DOK5: variants seen among roughly 807,000 people sequenced by gnomAD.
The protein encoded by DOK5 is docking protein 5, also known as downstream of tyrosine kinase 5.
A neutral mutation model predicts 43.3 loss-of-function variants in DOK5; 27 were observed. That is an observed-to-expected ratio of 0.62 (90% confidence interval 0.46 to 0.86). The LOEUF is 0.86. Among genes scored for constraint, DOK5 ranks in the 40% least tolerant of loss-of-function variants. The probability of loss-of-function intolerance (pLI) is 0.00; values close to 1 mark genes in which losing one functional copy is unlikely to be tolerated. For missense variants in DOK5, 373 were observed against 392.9 expected, an observed-to-expected ratio of 0.95 and a Z score of 0.43; for synonymous variants, 146 against 140.1, an observed-to-expected ratio of 1.04 and a Z score of -0.30.
chr20:54,564,073 A>G (rs1161772613), intron 2 of DOK5, among the ~76,000 whole-genome samples: 1 of 152,172 alleles, frequency 6.6e-6, no homozygotes, highest in Non-Finnish European at 1.5e-5. Flanking sequence ...TCAGTTATTT[A>G]TAGTTTATAT....
chr20:54,566,068 G>A (rs1985087475), intron 2 of DOK5, among the ~76,000 whole-genome samples: 2 of 148,112 alleles, frequency 1.4e-5, no homozygotes, highest in South Asian at 4.2e-4. Flanking sequence ...GACTTTTTGT[G>A]TTGCCCTTTC....
chr20:54,536,543 C>A (rs914846572), intron 1 of DOK5, among the ~76,000 whole-genome samples: 2 of 152,130 alleles, frequency 1.3e-5, no homozygotes, highest in Non-Finnish European at 2.9e-5. Context: ...GTTAGCCAGA[C>A]TAACTTTTGC....
intron 1 of DOK5, chr20:54,476,305 G>A (rs763985332): frequency 3.8e-4 from 320 of 839,072 alleles, no homozygotes; most frequent in Non-Finnish European, 4.4e-4. Flanking sequence ...CGGTAGCCAT[G>A]GAAGTTGGAG....
At chr20:54,609,136 C>T (rs1378661743) in intron 5 of DOK5, among the ~76,000 whole-genome samples, 2 of 152,270 alleles carry the variant, frequency 1.3e-5, no homozygotes, top group East Asian at 1.9e-4. Flanking sequence ...ACATCTTCCT[C>T]GTATTATTGC....
intron 1 of DOK5, among the ~76,000 whole-genome samples, chr20:54,516,476 T>C (rs1983201676): frequency 6.6e-6 from 1 of 152,192 alleles, no homozygotes; most frequent in Non-Finnish European, 1.5e-5. Flanking sequence ...ATTTAACCCT[T>C]TGTAAATACT....
rs1467559473 is a variant in DOK5, at chr20:54,493,682, A to T, written c.66+17670A>T. 6.6e-5 allele frequency among the ~76,000 whole-genome samples: 10 copies of T among 152,306 alleles called. No homozygotes were observed. In the South Asian group the frequency reaches 2.1e-3, roughly 32 times the overall value. On this transcript the variant is annotated intron_variant, in intron 1 of 7. Coordinates refer to ENST00000262593, the MANE Select transcript of DOK5 (RefSeq NM_018431.5). ...CTGAATGCGGTGGCTCAGTCCTGTAATCCCAGCACTTTGGGAGGCTGAGGT... is the reference window on the plus strand; with the variant it reads ...CTGAATGCGGTGGCTCAGTCCTGTATTCCCAGCACTTTGGGAGGCTGAGGT...
intron 1 of DOK5, among the ~76,000 whole-genome samples, chr20:54,508,569 T>C (rs1982899610): frequency 2.0e-5 from 3 of 151,730 alleles, no homozygotes; most frequent in Admixed American, 2.0e-4. Flanking sequence ...AATGTTTTAA[T>C]TTTTATATTT....
chr20:54,578,348 G>A (rs13040605), intron 2 of DOK5, among the ~76,000 whole-genome samples: 13,286 of 151,980 alleles, frequency 0.087, 1,032 homozygotes, highest in African/African-American at 0.21. Context: ...AGACACTTCC[G>A]GTCTTCTTTG....
intron 2 of DOK5, among the ~76,000 whole-genome samples, chr20:54,575,811 T>C (rs924183204): frequency 6.6e-6 from 1 of 152,236 alleles, no homozygotes; most frequent in Non-Finnish European, 1.5e-5. Flanking sequence ...AGCAAGTGTG[T>C]GCACGTGTGT....
At chr20:54,519,749 T>C (rs966597586) in intron 1 of DOK5, among the ~76,000 whole-genome samples, 2 of 152,208 alleles carry the variant, frequency 1.3e-5, no homozygotes, top group African/African-American at 4.8e-5. Context: ...AAGAGAATGA[T>C]GCATTCAATA....
At chr20:54,630,645 T>G (rs958240095) in intron 6 of DOK5, among the ~76,000 whole-genome samples, 2 of 152,216 alleles carry the variant, frequency 1.3e-5, no homozygotes, top group Non-Finnish European at 2.9e-5. Flanking sequence ...TTCCCTTCCT[T>G]GTTTTTACGA....
intron 6 of DOK5, among the ~76,000 whole-genome samples, chr20:54,639,470 A>G (rs1245148418): frequency 1.3e-5 from 2 of 152,210 alleles, no homozygotes; most frequent in East Asian, 3.8e-4. Context: ...TGAATGGCCA[A>G]CCCACCCCCT....
chr20:54,478,944 A>AT (rs1247906810), intron 1 of DOK5, among the ~76,000 whole-genome samples: 1 of 152,052 alleles, frequency 6.6e-6, no homozygotes, highest in Non-Finnish European at 1.5e-5. Flanking sequence ...GCAGCTCCAG[A>AT]TTTTTTCAAT....
chr20:54,612,507 G>T (rs1171409611), intron 6 of DOK5, among the ~76,000 whole-genome samples: 1 of 152,186 alleles, frequency 6.6e-6, no homozygotes, highest in Non-Finnish European at 1.5e-5. Flanking sequence ...ATGATAGATT[G>T]AGTAAAGCAA....
chr20:54,515,454 A>G, intron 1 of DOK5, among the ~76,000 whole-genome samples: 1 of 152,218 alleles, frequency 6.6e-6, no homozygotes, highest in East Asian at 1.9e-4. Flanking sequence ...TTTGTAACTA[A>G]TTTGTAGATT....
intron 5 of DOK5, 107 bp downstream of exon 5, chr20:54,591,912 C>A: frequency 1.1e-6 from 1 of 910,288 alleles, no homozygotes; most frequent in Non-Finnish European, 1.6e-6. Flanking sequence ...TGAGATCCAG[C>A]TGAAGTACAC....
chr20:54,614,604 A>G (rs996385114), intron 6 of DOK5, among the ~76,000 whole-genome samples: 1 of 152,238 alleles, frequency 6.6e-6, no homozygotes, highest in East Asian at 1.9e-4. Flanking sequence ...TCCGCTAAAA[A>G]TTAATCAGGA....
intron 1 of DOK5, among the ~76,000 whole-genome samples, chr20:54,522,032 T>C (rs1343393429): frequency 6.6e-6 from 1 of 152,194 alleles, no homozygotes; most frequent in Admixed American, 6.5e-5. Context: ...TGCAAGAACT[T>C]AGCTCTACAG....
chr20:54,637,950 G>C (rs146704598), intron 6 of DOK5, among the ~76,000 whole-genome samples: 16 of 152,060 alleles, frequency 1.1e-4, no homozygotes, highest in Non-Finnish European at 2.1e-4. Context: ...GTGAAACCCC[G>C]TCTCTACTAA....
Sources: gnomAD v4.1 joint callset for allele counts (sites outside exome capture counted in the v4.1 genomes callset) on GRCh38, gnomAD v4.1.1 for gene constraint, MANE v1.5 for transcripts, NCBI Gene and HGNC (gene_info 2026-07-23, HGNC 2026-07-21) for gene names.